The following KLF12 variants were observed in gnomAD, a reference collection of about 807,000 sequenced individuals.
The protein encoded by KLF12 is Krueppel-like factor 12.
KLF12 carries 9 observed loss-of-function variants against 37.8 expected under a neutral mutation model. That is an observed-to-expected ratio of 0.24 (90% CI 0.14 to 0.42). KLF12 has a LOEUF of 0.42. KLF12 is among the 10% of genes least tolerant of loss of function. KLF12 has a pLI of 1.00. For synonymous variants in KLF12, 208 were observed against 202.1 expected (o/e 1.03, Z -0.25); for missense variants, 411 against 516.0 (o/e 0.80, Z 1.97).
chr13:74,054,354 T>C (rs1300521253), intron 1 of KLF12, among the ~76,000 whole-genome samples: 1 of 152,116 alleles, frequency 6.6e-6, no homozygotes, highest in Non-Finnish European at 1.5e-5. Context: ...AAAAAGCCAT[T>C]AGGGTAGCTG....
chr13:74,172,650 C>A, the KLF12 span, among the ~76,000 whole-genome samples: 1 of 152,094 alleles, frequency 6.6e-6, no homozygotes, highest in African/African-American at 2.4e-5. Context: ...AGTAGTGAAA[C>A]CTTTATCTGA....
chr13:74,278,822 C>T, the KLF12 span, among the ~76,000 whole-genome samples: 2 of 152,176 alleles, frequency 1.3e-5, no homozygotes, highest in African/African-American at 4.8e-5. Flanking sequence ...TCAGCCAAAA[C>T]AGAGAGAAGA....
intron 1 of KLF12, among the ~76,000 whole-genome samples, chr13:74,077,869 G>A (rs1052551200): frequency 6.6e-6 from 1 of 152,098 alleles, no homozygotes; most frequent in African/African-American, 2.4e-5. Context: ...TCTTGTCTAT[G>A]TATTTTCTCA....
intron 3 of KLF12, among the ~76,000 whole-genome samples, chr13:73,925,311 T>C (rs1264847353): frequency 6.6e-6 from 1 of 152,236 alleles, no homozygotes; most frequent in Non-Finnish European, 1.5e-5. Flanking sequence ...CTGGTGACTC[T>C]AAATTGAAGC....
chr13:74,091,178 A>G (rs7325146), intron 1 of KLF12, among the ~76,000 whole-genome samples: 2 of 152,232 alleles, frequency 1.3e-5, no homozygotes, highest in African/African-American at 4.8e-5. Flanking sequence ...ATCCACATGC[A>G]AAAGAATGAC....
chr13:74,140,268 G>A, the KLF12 span, among the ~76,000 whole-genome samples: 1 of 152,090 alleles, frequency 6.6e-6, no homozygotes, highest in African/African-American at 2.4e-5. Flanking sequence ...CACACTTACA[G>A]GCTCAATACT....
intron 2 of KLF12, among the ~76,000 whole-genome samples, chr13:73,958,999 T>A (rs1244693157): frequency 1.3e-5 from 2 of 151,532 alleles, no homozygotes; most frequent in East Asian, 3.9e-4. Flanking sequence ...GGCCTCTTTA[T>A]CCCCGAAGAT....
At chr13:73,746,315 A>C (rs1360759273) in intron 6 of KLF12, among the ~76,000 whole-genome samples, 3 of 152,204 alleles carry the variant, frequency 2.0e-5, no homozygotes, top group African/African-American at 7.2e-5. Flanking sequence ...ATATGATGTA[A>C]TATCTAAATA....
intron 3 of KLF12, among the ~76,000 whole-genome samples, chr13:73,890,243 T>C (rs1264724909): frequency 2.0e-5 from 3 of 152,106 alleles, no homozygotes; most frequent in Non-Finnish European, 2.9e-5. Flanking sequence ...ACAAGCTTTA[T>C]TTTGGGCTAT....
chr13:73,723,530 GATTA>G (rs984486522), intron 6 of KLF12, among the ~76,000 whole-genome samples: 8 of 152,152 alleles, frequency 5.3e-5, no homozygotes, highest in Non-Finnish European at 5.9e-5. Flanking sequence ...GTCAGAATAG[GATTA>G]ATTATTTTAA....
At chr13:73,992,269 A>G (rs1459237737) in intron 2 of KLF12, among the ~76,000 whole-genome samples, 1 of 152,216 alleles carries the variant, frequency 6.6e-6, no homozygotes, top group East Asian at 1.9e-4. Context: ...AATACGCTGA[A>G]GTGTGTATCC....
the KLF12 span, among the ~76,000 whole-genome samples, chr13:74,229,282 A>G: frequency 2.0e-5 from 3 of 152,236 alleles, no homozygotes; most frequent in African/African-American, 4.8e-5. Context: ...ATAAAAATAC[A>G]TAATAAGCAA....
At chr13:74,083,145 T>TAGATC (rs1875014785) in intron 1 of KLF12, among the ~76,000 whole-genome samples, 1 of 152,196 alleles carries the variant, frequency 6.6e-6, no homozygotes, top group Non-Finnish European at 1.5e-5. Flanking sequence ...GCATCATCTC[T>TAGATC]AGATCATCCA....
intron 4 of KLF12, among the ~76,000 whole-genome samples, chr13:73,840,707 G>A (rs9573314): frequency 0.22 from 33,215 of 151,990 alleles, 4,279 homozygotes; most frequent in East Asian, 0.51. Context: ...AAGGTAAAAC[G>A]GATCATGTCA....
At chr13:74,065,712 C>T (rs947773655) in intron 1 of KLF12, among the ~76,000 whole-genome samples, 3 of 151,854 alleles carry the variant, frequency 2.0e-5, no homozygotes, top group African/African-American at 4.8e-5. Context: ...GTAGGAGTGA[C>T]GTGAGGGAAG....
chr13:74,178,482 C>A, the KLF12 span, among the ~76,000 whole-genome samples: 1 of 152,170 alleles, frequency 6.6e-6, no homozygotes, highest in African/African-American at 2.4e-5. Context: ...AGAGGTGACT[C>A]TGTAATACTG....
At chr13:74,295,838 G>A in the KLF12 span, among the ~76,000 whole-genome samples, 5 of 151,948 alleles carry the variant, frequency 3.3e-5, no homozygotes, top group Non-Finnish European at 5.9e-5. Flanking sequence ...TTTTGAGACA[G>A]GGTCTCACTA....
chr13:74,026,151 T>C lies in KLF12; in HGVS notation c.-31-31098A>G, dbSNP rs562372182. 2.9e-5 allele frequency among the ~76,000 whole-genome samples: 3 copies of C among 102,212 alleles called. No homozygotes were observed. The South Asian group carries it at 1.2e-3, about 40-fold the overall frequency. The allele number at this position is 102,212 out of a possible 152,430, so 67.1% of individuals were successfully genotyped here. ...TTACATGAAAAAATTAACTCAAGAT[T>C]TTGAAGAAAAAAAAAAAAAACCTTT... On this transcript the variant is annotated intron_variant, in intron 1 of 7. Coordinates refer to ENST00000377669, the MANE Select transcript of KLF12 (RefSeq NM_007249.5).
chr13:74,284,112 C>G, the KLF12 span, among the ~76,000 whole-genome samples: 1 of 152,092 alleles, frequency 6.6e-6, no homozygotes, highest in Non-Finnish European at 1.5e-5. Flanking sequence ...CTGCCTCGGC[C>G]TCCTGAAGTT....
Sources: allele counts gnomAD v4.1 joint callset (sites outside exome capture counted in the v4.1 genomes callset), GRCh38; gene constraint gnomAD v4.1.1; transcripts MANE v1.5; gene names NCBI Gene and HGNC (gene_info 2026-07-23, HGNC 2026-07-21).